The following PLEKHG4B variants were observed in gnomAD, a reference collection of about 807,000 sequenced individuals.
PLEKHG4B encodes pleckstrin homology domain-containing family G member 4B.
A neutral mutation model predicts 121.3 loss-of-function variants in PLEKHG4B; 111 were observed. The observed-to-expected ratio is 0.92, with a 90% CI of 0.78 to 1.07. The LOEUF (loss-of-function observed/expected upper bound fraction) is 1.07, where lower values mean the gene tolerates loss of function less well. Ranked by LOEUF, PLEKHG4B falls within the 50% of genes least tolerant of loss-of-function variation. PLEKHG4B has a pLI of 0.00. For missense variants in PLEKHG4B, 1,831 were observed against 1,757.8 expected (o/e 1.04, Z -0.74); for synonymous variants, 738 against 725.0 (o/e 1.02, Z -0.29).
At position 184,582 on chromosome 5, in the gene PLEKHG4B, G is replaced by T. The variant is rs1167741695; in HGVS notation, c.*2259G>T. ...AAGAAATGTTAAATGATGTGCTTCA[G>T]GGAAAAGAAAAATGAAGAGCATGTG... On this transcript the variant is annotated 3_prime_UTR_variant, in exon 20 of 20. Coordinates refer to ENST00000637938, the MANE Select transcript of PLEKHG4B (RefSeq NM_052909.5). The T allele has an allele frequency of 6.6e-6, 1 of 152,208 alleles. No homozygotes were observed. The highest frequency in any genetic ancestry group is 2.4e-5 in the African/African-American group (1 of 41,432). The allele number at this position is 152,208 out of a possible 1,614,324, so 9.4% of individuals were successfully genotyped here.
chr5:101,444 C>A (rs1733808362), intron 1 of PLEKHG4B, among the ~76,000 whole-genome samples: 1 of 121,150 alleles, frequency 8.3e-6, no homozygotes, highest in Non-Finnish European at 1.6e-5. Flanking sequence ...CCATATAAAG[C>A]CCGGGGAAAA....
chr5:167,733 G>A (rs1338472901), intron 13 of PLEKHG4B, among the ~76,000 whole-genome samples: 1 of 152,248 alleles, frequency 6.6e-6, no homozygotes, highest in Non-Finnish European at 1.5e-5. Context: ...TGCTGCCGGA[G>A]TGTGGGCCCT....
chr5:99,388 C>G (rs750672714), intron 1 of PLEKHG4B, among the ~76,000 whole-genome samples: 7 of 151,572 alleles, frequency 4.6e-5, no homozygotes, highest in Non-Finnish European at 1.0e-4. Context: ...CAATGTCTTC[C>G]ATTTACTTGT....
rs1416503740 is a variant in PLEKHG4B, at chr5:113,996, C to T, written c.243+548C>T. Among the ~76,000 whole-genome samples, 3 of 152,274 alleles carry T rather than the reference C, an allele frequency of 2.0e-5. No homozygotes were observed. Among genetic ancestry groups the T allele is most frequent in the South Asian group, 2.1e-4 (1 of 4,824 alleles). ...ACACACAAAGTTTTTGGTTTCCCAG[C>T]GCATATACAAGTTACGTTTACACTA... On this transcript the variant is annotated intron_variant, in intron 2 of 19. Coordinates refer to ENST00000637938, the MANE Select transcript of PLEKHG4B (RefSeq NM_052909.5). The surrounding 1 kb of genome is among the most constrained non-coding windows in gnomAD (Gnocchi z 5.2).
At chr5:154,802 A>G in intron 7 of PLEKHG4B, 73 bp from the exon 8 acceptor site, 1 of 1,159,400 alleles carries the variant, frequency 8.6e-7, no homozygotes, top group Non-Finnish European at 1.3e-6. Flanking sequence ...GAACCCAGGA[A>G]TGAGCCATTT....
chr5:124,338 A>G (rs1474125698), intron 2 of PLEKHG4B, among the ~76,000 whole-genome samples: 2 of 152,204 alleles, frequency 1.3e-5, no homozygotes, highest in African/African-American at 4.8e-5. Flanking sequence ...TTCAAACATG[A>G]AGGCAGAATA....
In PLEKHG4B at chr5:137,958, A is replaced by G. The variant is rs111313087; in HGVS notation, c.244-1525A>G. 3.6e-3 allele frequency among the ~76,000 whole-genome samples: 555 copies of G among 152,352 alleles called. 1 individual carries two copies. The highest frequency in any genetic ancestry group is 0.012 in the African/African-American group (505 of 41,584). On this transcript the variant is annotated intron_variant, in intron 2 of 19. Coordinates refer to ENST00000637938, the MANE Select transcript of PLEKHG4B (RefSeq NM_052909.5). The surrounding 1 kb of genome is among the most constrained non-coding windows in gnomAD (Gnocchi z 4.2). ...CCTCGCAGCGTCTGGGGAGGGTGTC[A>G]AGGAGCCGCTTCTTGAACGGCTTGC...
chr5:131,466 G>GTA (rs1422677517), intron 2 of PLEKHG4B, among the ~76,000 whole-genome samples: 1 of 152,090 alleles, frequency 6.6e-6, no homozygotes, highest in African/African-American at 2.4e-5. Flanking sequence ...TGGCTACATA[G>GTA]TATTCCATGG....
chr5:162,804 A>C lies in PLEKHG4B; in HGVS notation c.2732A>C (p.Glu911Ala), dbSNP rs914820013. 1 of 1,500,776 alleles carries C rather than the reference A, an allele frequency of 6.7e-7. No homozygotes were observed. Among genetic ancestry groups the C allele is most frequent in the African/African-American group, 1.4e-5 (1 of 71,366 alleles). The allele number at this position is 1,500,776 out of a possible 1,614,324, so 93.0% of individuals were successfully genotyped here. Residue 911 changes from glutamate (E) to alanine (A), a missense_variant, in exon 13 of 20, where the codon GAG becomes GCG. Coordinates refer to ENST00000637938, the MANE Select transcript of PLEKHG4B (RefSeq NM_052909.5). ...GAGTGTTTGAGGAGCTGTCACCAGG[A>C]GGCTACCTCGGTGGCTGCAGAGGCC... ...VAECLRSCHQ[E>A]ATSVAAEAFP... is the part of the protein sequence containing the mutation.
At position 171,358 on chromosome 5, in the gene PLEKHG4B, G is replaced by A. The variant is rs1415501380; in HGVS notation, c.3964G>A (p.Glu1322Lys). The change falls in exon 16 of 20, where the codon GAG (glutamate) becomes AAG (lysine). Residue 1322 changes from glutamate to lysine, a missense_variant. Glu to Lys is a moderately conservative substitution (Grantham distance 56, BLOSUM62 1). Coordinates refer to ENST00000637938, the MANE Select transcript of PLEKHG4B (RefSeq NM_052909.5). The stretch of plus-strand genomic sequence containing the variant: ...CCTGGCCCAGGGGCAGGAGCTGGGC[G>A]AGCTCCGAGCCGCCGAGGTCGTGGT... ...CGLAQGQELG[E>K]LRAAEVVVCF... The A allele has an allele frequency of 4.3e-6, 7 of 1,611,970 alleles. No individual in the cohort carries two copies. The African/African-American group carries it at 6.7e-5, about 15-fold the overall frequency.
At chr5:154,046 G>T (rs1036106354) in intron 7 of PLEKHG4B, among the ~76,000 whole-genome samples, 3 of 150,270 alleles carry the variant, frequency 2.0e-5, no homozygotes, top group African/African-American at 7.4e-5. Context: ...GTTCTATGTC[G>T]CCAGGCTGGA....
chr5:93,607 G>A (rs1444749851), intron 1 of PLEKHG4B, among the ~76,000 whole-genome samples: 2 of 152,216 alleles, frequency 1.3e-5, no homozygotes, highest in Non-Finnish European at 2.9e-5. Flanking sequence ...TGACCCCGCA[G>A]GCAGCCGGTA....
At chr5:160,427 G>A (rs1007736140) in intron 11 of PLEKHG4B, among the ~76,000 whole-genome samples, 8 of 152,228 alleles carry the variant, frequency 5.3e-5, no homozygotes, top group Admixed American at 1.3e-4. Flanking sequence ...CACTCCAGCC[G>A]CACCTGCCTC....
intron 18 of PLEKHG4B, 90 bp downstream of exon 18, chr5:174,188 C>T (rs996104833): frequency 3.7e-6 from 3 of 804,264 alleles, no homozygotes; most frequent in African/African-American, 2.1e-5. Context: ...GAGCCAGGGG[C>T]TGAGTCCAGG....
chr5:169,568 C>A lies in PLEKHG4B; in HGVS notation c.3705C>A (p.Ala1235=). ...AGCGCTGCCAGCACTGCCCCTTGGCCGTGGGCCGCAGTTTCCTGAGACACG... is the reference window on the plus strand; with the variant it reads ...AGCGCTGCCAGCACTGCCCCTTGGCAGTGGGCCGCAGTTTCCTGAGACACG... The part of the protein sequence containing the change: ...ELERCQHCPL[A]VGRSFLRHEE... The change falls in exon 14 of 20, where the codon GCC becomes GCA. Residue 1235 remains alanine, a synonymous_variant. Coordinates refer to ENST00000637938, the MANE Select transcript of PLEKHG4B (RefSeq NM_052909.5). 1 of 1,613,592 alleles carries A rather than the reference C, an allele frequency of 6.2e-7. No individual in the cohort carries two copies. Among genetic ancestry groups the A allele is most frequent in the Non-Finnish European group, 8.5e-7 (1 of 1,180,038 alleles).
In PLEKHG4B at chr5:156,095, C is replaced by A; in HGVS notation, c.2233C>A (p.His745Asn). The change falls in exon 10 of 20, where the codon CAT (histidine) becomes AAT (asparagine). Residue 745 changes from histidine to asparagine, a missense_variant. Physicochemically the swap from His to Asn is moderately conservative, Grantham distance 68. Coordinates refer to ENST00000637938, the MANE Select transcript of PLEKHG4B (RefSeq NM_052909.5). The surrounding 1 kb of genome is among the most constrained non-coding windows in gnomAD (Gnocchi z 4.4). The stretch of plus-strand genomic sequence containing the variant: ...GGAAGTCGCCGAGTTAATTGACCAG[C>A]ATGAGACGATGATGAAGCTTGTCCT... The part of the protein sequence containing the change: ...AQEVAELIDQ[H>N]ETMMKLVLED... 1 of 1,598,918 alleles carries A rather than the reference C, an allele frequency of 6.3e-7. No homozygotes were observed.
intron 1 of PLEKHG4B, among the ~76,000 whole-genome samples, chr5:109,424 C>T (rs56850893): frequency 0.061 from 7,666 of 126,306 alleles, 374 homozygotes; most frequent in African/African-American, 0.15. Context: ...AAAAAAAATC[C>T]AGCCAGAGGC....
intron 11 of PLEKHG4B, among the ~76,000 whole-genome samples, chr5:161,205 G>A (rs868329284): frequency 2.6e-5 from 4 of 152,252 alleles, no homozygotes; most frequent in Non-Finnish European, 4.4e-5. Flanking sequence ...CAGGCGCTCC[G>A]TCCAGCAGGG....
chr5:151,213 G>A (rs549622656), intron 6 of PLEKHG4B, among the ~76,000 whole-genome samples: 2 of 152,202 alleles, frequency 1.3e-5, no homozygotes, highest in Admixed American at 6.5e-5. Context: ...TTGCTTAACA[G>A]TTCTTTGTCT....
Sources: allele counts gnomAD v4.1 joint callset (sites outside exome capture counted in the v4.1 genomes callset), GRCh38; gene constraint gnomAD v4.1.1; non-coding constraint Gnocchi (gnomAD v3.1); transcripts MANE v1.5; gene names NCBI Gene and HGNC (gene_info 2026-07-23, HGNC 2026-07-21).